CMIP: variants seen among roughly 807,000 people sequenced by gnomAD.
CMIP encodes the protein c-Maf inducing protein.
CMIP carries 13 observed loss-of-function variants against 97.3 expected under a neutral mutation model. The observed-to-expected ratio is 0.13, with a 90% CI of 0.09 to 0.21. The LOEUF (loss-of-function observed/expected upper bound fraction) is 0.21, where lower values mean the gene tolerates loss of function less well. CMIP is among the 10% of genes least tolerant of loss of function. The probability of loss-of-function intolerance (pLI) is 1.00; values close to 1 mark genes in which losing one functional copy is unlikely to be tolerated. For synonymous variants in CMIP, 538 were observed against 436.3 expected, an observed-to-expected ratio of 1.23 and a Z score of -2.91; for missense variants, 847 against 1,024.9, an observed-to-expected ratio of 0.83 and a Z score of 2.37.
intron 1 of CMIP, among the ~76,000 whole-genome samples, chr16:81,564,643 A>G (rs992910121): frequency 1.3e-5 from 2 of 152,178 alleles, no homozygotes; most frequent in Non-Finnish European, 2.9e-5. Context: ...CTCTTGAGAC[A>G]ATGGGGCAGT....
chr16:81,634,720 G>C (rs1477061984), intron 3 of CMIP, among the ~76,000 whole-genome samples: 1 of 152,182 alleles, frequency 6.6e-6, no homozygotes, highest in African/African-American at 2.4e-5. Flanking sequence ...ATTTATTAAA[G>C]AACAGGATCC....
intron 2 of CMIP, among the ~76,000 whole-genome samples, chr16:81,608,251 C>T (rs989083473): frequency 2.0e-5 from 3 of 152,176 alleles, no homozygotes; most frequent in Admixed American, 1.3e-4. Flanking sequence ...GAGTTTAATG[C>T]TGTTAACTAT....
intron 1 of CMIP, among the ~76,000 whole-genome samples, chr16:81,572,601 G>C (rs1335123110): frequency 6.6e-6 from 1 of 152,168 alleles, no homozygotes; most frequent in African/African-American, 2.4e-5. Flanking sequence ...GGGGAGACTG[G>C]GGCTCTGAGA....
At chr16:81,634,603 T>C (rs2092210194) in intron 3 of CMIP, among the ~76,000 whole-genome samples, 1 of 152,178 alleles carries the variant, frequency 6.6e-6, no homozygotes, top group African/African-American at 2.4e-5. Context: ...CGCACGAGTG[T>C]CTGAGGAGCC....
At chr16:81,496,357 G>A (rs544286995) in intron 1 of CMIP, among the ~76,000 whole-genome samples, 9 of 152,326 alleles carry the variant, frequency 5.9e-5, no homozygotes, top group Admixed American at 1.3e-4. Flanking sequence ...CTACTTGGGG[G>A]CGATGGATGG....
intron 7 of CMIP, among the ~76,000 whole-genome samples, chr16:81,669,307 CACCTCCTTCCACACCCACTTCAT>C (rs139648071): frequency 0.017 from 1,143 of 66,058 alleles, 146 homozygotes; most frequent in East Asian, 0.065. Context: ...CTCTCACACT[CACCTCCTTCCACACCCACTTCAT>C]ACCTCCTTCC....
chr16:81,701,913 TCTC>T (rs1907459647), intron 16 of CMIP, 113 bp downstream of exon 16: 2 of 1,350,286 alleles, frequency 1.5e-6, no homozygotes, highest in South Asian at 1.2e-5. Flanking sequence ...CTCGTTGAAT[TCTC>T]CTCCAAACCC....
intron 1 of CMIP, among the ~76,000 whole-genome samples, chr16:81,503,859 A>T (rs1436214908): frequency 6.6e-6 from 1 of 152,256 alleles, no homozygotes; most frequent in East Asian, 1.9e-4. Flanking sequence ...GACAGACGTC[A>T]TCACCTGGGA....
At chr16:81,582,583 G>C (rs1410636741) in intron 1 of CMIP, among the ~76,000 whole-genome samples, 1 of 152,136 alleles carries the variant, frequency 6.6e-6, no homozygotes, top group Non-Finnish European at 1.5e-5. Context: ...CTTATTCAGA[G>C]ACCACTTTCC....
chr16:81,498,052 T>C (rs75963131), intron 1 of CMIP, among the ~76,000 whole-genome samples: 2,300 of 152,350 alleles, frequency 0.015, 57 homozygotes, highest in African/African-American at 0.053. Context: ...ATGCATGTGT[T>C]GGTTCATTCA....
chr16:81,530,692 C>T (rs990547860), intron 1 of CMIP, among the ~76,000 whole-genome samples: 3 of 152,138 alleles, frequency 2.0e-5, no homozygotes, highest in Non-Finnish European at 4.4e-5. Flanking sequence ...CTGCTACCTC[C>T]GAGGCTTCTG....
rs1374613310 is a variant in CMIP at position 81,573,741 on chromosome 16, CTTG to C, written c.301-33821_301-33819del. 3.3e-5 allele frequency among the ~76,000 whole-genome samples: 5 copies of C among 152,254 alleles called. No homozygotes were observed. The East Asian group carries it at 5.8e-4, about 18-fold the overall frequency. On this transcript the variant is annotated intron_variant, in intron 1 of 20. Coordinates refer to ENST00000537098, the MANE Select transcript of CMIP (RefSeq NM_198390.3). ...CAGTCTCCTCATCTGTAAAATGGGC[CTTG>C]TTGTCATTCCTACCTCCCTGGGTGG...
chr16:81,554,175 T>A (rs1008961769), intron 1 of CMIP, among the ~76,000 whole-genome samples: 1 of 152,252 alleles, frequency 6.6e-6, no homozygotes, highest in African/African-American at 2.4e-5. Flanking sequence ...CAGTGCCTGA[T>A]AAATGTATGT....
chr16:81,589,879 C>A (rs191066380), intron 1 of CMIP, among the ~76,000 whole-genome samples: 64 of 152,350 alleles, frequency 4.2e-4, no homozygotes, highest in Admixed American at 9.1e-4. Context: ...AGTAAAACGA[C>A]AAAGTGTACC....
At chr16:81,609,720 G>A (rs543320035) in intron 2 of CMIP, among the ~76,000 whole-genome samples, 3 of 152,324 alleles carry the variant, frequency 2.0e-5, no homozygotes, top group South Asian at 2.1e-4. Context: ...TGCCAGAATG[G>A]TGGGGTGGGG....
chr16:81,688,391 C>T (rs1905661885), intron 10 of CMIP, among the ~76,000 whole-genome samples: 1 of 152,230 alleles, frequency 6.6e-6, no homozygotes, highest in African/African-American at 2.4e-5. Flanking sequence ...ACAGCCGTGG[C>T]CTTTCAGGGC....
At chr16:81,682,714 C>G (rs561313965) in intron 10 of CMIP, among the ~76,000 whole-genome samples, 1 of 152,214 alleles carries the variant, frequency 6.6e-6, no homozygotes. Flanking sequence ...CAGTGTTTCC[C>G]GCTCCACTGC....
At chr16:81,507,361 G>A (rs1483214261) in intron 1 of CMIP, among the ~76,000 whole-genome samples, 1 of 152,206 alleles carries the variant, frequency 6.6e-6, no homozygotes, top group Non-Finnish European at 1.5e-5. Flanking sequence ...CTCAAACTGG[G>A]ATATGTGCAG....
At chr16:81,594,106 C>T (rs1395625410) in intron 1 of CMIP, among the ~76,000 whole-genome samples, 3 of 126,678 alleles carry the variant, frequency 2.4e-5, no homozygotes, top group Non-Finnish European at 3.4e-5. Context: ...CCTCCCCCTC[C>T]TCCCCATTCT....
Sources: allele counts gnomAD v4.1 joint callset (sites outside exome capture counted in the v4.1 genomes callset), GRCh38; gene constraint gnomAD v4.1.1; transcripts MANE v1.5; gene names NCBI Gene and HGNC (gene_info 2026-07-23, HGNC 2026-07-21).